DSCAML1: variants seen among roughly 807,000 people sequenced by gnomAD.
DSCAML1 encodes DS cell adhesion molecule like 1, also known as cell adhesion molecule DSCAML1.
DSCAML1 carries 38 observed loss-of-function variants against 200.5 expected under a neutral mutation model. The ratio of observed to expected loss-of-function variants is 0.19; its 90% CI spans 0.15 to 0.25. DSCAML1 has a LOEUF of 0.25. Ranked by LOEUF, DSCAML1 falls within the 10% of genes least tolerant of loss-of-function variation. The pLI, the probability that DSCAML1 is intolerant of heterozygous loss-of-function variation, is 1.00. For synonymous variants in DSCAML1, 1,215 were observed against 1,165.0 expected, an observed-to-expected ratio of 1.04 and a Z score of -0.87; for missense variants, 2,223 against 2,858.8, an observed-to-expected ratio of 0.78 and a Z score of 5.07.
intron 11 of DSCAML1, among the ~76,000 whole-genome samples, chr11:117,487,478 G>A (rs1306688925): frequency 6.6e-6 from 1 of 152,112 alleles, no homozygotes; most frequent in Non-Finnish European, 1.5e-5. Flanking sequence ...CCAAGGTCAC[G>A]TTGCTGGTAA....
rs1331842727 is a variant in DSCAML1 at position 117,481,285 on chromosome 11, G to A, written c.2560-15C>T. ...GCGGGCTTGAGCTGGGAGACCACCA[G>A]CAGGGGCAGGAGAGGGAGTAAACAG... On this transcript the variant is annotated splice_polypyrimidine_tract_variant and intron_variant, in intron 12 of 32. Transcript: ENST00000651296. 9 of 1,612,958 alleles carry A rather than the reference G, an allele frequency of 5.6e-6. No individual in the cohort carries two copies. The highest frequency in any genetic ancestry group is 6.8e-6 in the Non-Finnish European group (8 of 1,179,530).
chr11:117,451,571 C>T (rs1304440717), intron 19 of DSCAML1, among the ~76,000 whole-genome samples: 1 of 152,160 alleles, frequency 6.6e-6, no homozygotes, highest in Non-Finnish European at 1.5e-5. Flanking sequence ...TGCCTGTAAT[C>T]CCAGCACTTT....
chr11:117,572,041 A>C (rs2050855743), intron 3 of DSCAML1, among the ~76,000 whole-genome samples: 1 of 152,232 alleles, frequency 6.6e-6, no homozygotes, highest in Non-Finnish European at 1.5e-5. Context: ...TGTTTAGCAA[A>C]TCATCAAGAA....
chr11:117,607,435 C>A (rs1419261265), intron 3 of DSCAML1, among the ~76,000 whole-genome samples: 1 of 152,222 alleles, frequency 6.6e-6, no homozygotes, highest in Non-Finnish European at 1.5e-5. Context: ...CAGGGAGCCA[C>A]CATCCACAGC....
intron 3 of DSCAML1, among the ~76,000 whole-genome samples, chr11:117,640,979 T>C (rs1037212507): frequency 2.0e-5 from 3 of 152,230 alleles, no homozygotes; most frequent in East Asian, 1.9e-4. Flanking sequence ...GCCAGACACA[T>C]AGCCGTAACT....
At chr11:117,764,406 T>G (rs1291622157) in intron 3 of DSCAML1, among the ~76,000 whole-genome samples, 2 of 152,198 alleles carry the variant, frequency 1.3e-5, no homozygotes, top group African/African-American at 4.8e-5. Context: ...AAAATCAGTT[T>G]CTTTGGTGCG....
At chr11:117,665,917 G>T (rs1486665740) in intron 3 of DSCAML1, among the ~76,000 whole-genome samples, 3 of 152,178 alleles carry the variant, frequency 2.0e-5, no homozygotes, top group Admixed American at 6.5e-5. Context: ...CATTGCTCTG[G>T]GAAGTCAGAG....
intron 3 of DSCAML1, among the ~76,000 whole-genome samples, chr11:117,539,701 A>C (rs945525388): frequency 2.0e-5 from 3 of 151,884 alleles, no homozygotes; most frequent in Admixed American, 2.0e-4. Context: ...TCAAAAGTCA[A>C]GATTAAGTAG....
At chr11:117,762,721 G>A (rs2054824670) in intron 3 of DSCAML1, among the ~76,000 whole-genome samples, 1 of 152,020 alleles carries the variant, frequency 6.6e-6, no homozygotes, top group Non-Finnish European at 1.5e-5. Context: ...AAATTAGTCA[G>A]GTGTGGTGGC....
rs1168669738 is a variant in DSCAML1, at chr11:117,435,646, C to T, written c.4874G>A (p.Arg1625Gln). Residue 1625 changes from arginine to glutamine, a missense_variant and splice_region_variant, in exon 27 of 33, where the codon CGA becomes CAA. Physicochemically the swap from Arg to Gln is conservative, Grantham distance 43. This residue lies in a region of DSCAML1 where 614 missense variants were observed against 739.1 expected (regional missense o/e 0.83). Transcript: ENST00000651296. ...AGGCCCATAGGAAGCTCCCCCACCT[C>T]GGAGTCGCTTCAGCCGTTTCTCCTT... ...KRKEKRLKRL[R>Q]DAKSLAEMLI... The T allele has an allele frequency of 6.3e-7, 1 of 1,594,336 alleles. No individual in the cohort carries two copies. The highest frequency in any genetic ancestry group is 1.3e-5 in the African/African-American group (1 of 74,626).
intron 8 of DSCAML1, among the ~76,000 whole-genome samples, chr11:117,513,001 G>C (rs55975161): frequency 6.6e-6 from 1 of 151,988 alleles, no homozygotes; most frequent in Non-Finnish European, 1.5e-5. Flanking sequence ...TCTGAGGCCC[G>C]CTGCACCCGT....
chr11:117,806,699 T>C (rs1282235864), intron 1 of DSCAML1, among the ~76,000 whole-genome samples: 1 of 152,260 alleles, frequency 6.6e-6, no homozygotes, highest in Non-Finnish European at 1.5e-5. Flanking sequence ...CAGCGTCAGA[T>C]GCTCAAGGCA....
chr11:117,478,066 G>A (rs983738633), intron 14 of DSCAML1, among the ~76,000 whole-genome samples: 4 of 152,248 alleles, frequency 2.6e-5, no homozygotes, highest in Non-Finnish European at 4.4e-5. Context: ...GGAGCCAGAA[G>A]GGCAAGACGT....
chr11:117,726,771 C>A lies in DSCAML1; in HGVS notation c.511+50020G>T, dbSNP rs183966133. Reference sequence around the variant, plus strand: ...AGTGAGAGCTGGTGACCTGCTAAACCCCCAGCATGGAGAGGTGCTTTGGTA... The same window carrying A: ...AGTGAGAGCTGGTGACCTGCTAAACACCCAGCATGGAGAGGTGCTTTGGTA... On this transcript the variant is annotated intron_variant, in intron 3 of 32. Coordinates refer to ENST00000651296, the MANE Select transcript of DSCAML1 (RefSeq NM_020693.4). 1.6e-3 allele frequency among the ~76,000 whole-genome samples: 240 copies of A among 152,204 alleles called. 1 individual carries two copies. Among genetic ancestry groups the A allele is most frequent in the Middle Eastern group, 3.4e-3 (1 of 294 alleles).
intron 4 of DSCAML1, 90 bp from the exon 5 acceptor site, chr11:117,525,173 C>G: frequency 7.0e-7 from 1 of 1,421,096 alleles, no homozygotes; most frequent in Non-Finnish European, 9.2e-7. Flanking sequence ...CAGACAGGAG[C>G]CTGCTGCCCA....
At chr11:117,532,955 A>T (rs377596798) in intron 3 of DSCAML1, among the ~76,000 whole-genome samples, 23 of 150,016 alleles carry the variant, frequency 1.5e-4, no homozygotes, top group African/African-American at 5.4e-4. Flanking sequence ...ATATAGGGGG[A>T]GACCCTGTCT....
chr11:117,516,615 C>A lies in DSCAML1; in HGVS notation c.1635G>T (p.Leu545=). 1.2e-6 allele frequency: 2 copies of A among 1,614,076 alleles called. No homozygotes were observed. Among genetic ancestry groups the A allele is most frequent in the South Asian group, 2.2e-5 (2 of 91,076 alleles). ...ACACCACCTGGCGGTGGTTGTCTGG[C>A]AGCAGCAGGGCATCCTTGTACCACT... ...SIKWYKDALL[L]PDNHRQVVFE... is the part of the protein sequence containing the mutation. Residue 545 remains leucine, a synonymous_variant, in exon 8 of 33, where the codon CTG becomes CTT. Transcript: ENST00000651296. This position sits in a 1 kb window ranked among gnomAD's most constrained non-coding sequence, Gnocchi z 5.7.
At chr11:117,457,800 A>G (rs1005992013) in intron 19 of DSCAML1, among the ~76,000 whole-genome samples, 1 of 152,040 alleles carries the variant, frequency 6.6e-6, no homozygotes, top group African/African-American at 2.4e-5. Context: ...GCCTTCAGCC[A>G]AATTGTTTGG....
intron 3 of DSCAML1, among the ~76,000 whole-genome samples, chr11:117,775,437 A>G (rs1244755423): frequency 6.6e-6 from 1 of 152,108 alleles, no homozygotes; most frequent in Non-Finnish European, 1.5e-5. Flanking sequence ...CTTTGCTATT[A>G]GCCTATGGTT....
Sources: gnomAD v4.1 joint callset for allele counts (sites outside exome capture counted in the v4.1 genomes callset) on GRCh38, gnomAD v4.1.1 for gene constraint, gnomAD v4.1.1 regional missense constraint, Gnocchi (gnomAD v3.1) non-coding constraint, MANE v1.5 for transcripts, NCBI Gene and HGNC (gene_info 2026-07-23, HGNC 2026-07-21) for gene names.